The following CACNA2D1 variants were observed in gnomAD, a reference collection of about 807,000 sequenced individuals.
CACNA2D1 encodes the protein calcium voltage-gated channel auxiliary subunit alpha2delta 1.
CACNA2D1 carries 53 observed loss-of-function variants against 171.5 expected under a neutral mutation model. The ratio of observed to expected loss-of-function variants is 0.31; its 90% CI spans 0.25 to 0.39. The LOEUF (loss-of-function observed/expected upper bound fraction) is 0.39, where lower values mean the gene tolerates loss of function less well. CACNA2D1 is among the 10% of genes least tolerant of loss of function. The pLI, the probability that CACNA2D1 is intolerant of heterozygous loss-of-function variation, is 1.00. For synonymous variants in CACNA2D1, 442 were observed against 443.1 expected, an observed-to-expected ratio of 1.00 and a Z score of 0.03; for missense variants, 903 against 1,299.8, an observed-to-expected ratio of 0.69 and a Z score of 4.69.
intron 3 of CACNA2D1, among the ~76,000 whole-genome samples, chr7:82,217,733 A>C (rs1442722107): frequency 6.6e-6 from 1 of 151,306 alleles, no homozygotes; most frequent in Admixed American, 6.6e-5. Flanking sequence ...ATTTAAGGTT[A>C]TTAAAATTCA....
intron 3 of CACNA2D1, among the ~76,000 whole-genome samples, chr7:82,285,349 A>T (rs1184968675): frequency 6.6e-6 from 1 of 152,112 alleles, no homozygotes; most frequent in Non-Finnish European, 1.5e-5. Flanking sequence ...TACACAGCCC[A>T]ACCCTGTGCA....
chr7:82,415,771 T>A (rs1828110459), intron 1 of CACNA2D1, among the ~76,000 whole-genome samples: 1 of 152,102 alleles, frequency 6.6e-6, no homozygotes, highest in Non-Finnish European at 1.5e-5. Context: ...GTATATTTTC[T>A]TATAAGAGAA....
At chr7:82,160,455 T>C (rs1245722808) in intron 4 of CACNA2D1, among the ~76,000 whole-genome samples, 1 of 152,130 alleles carries the variant, frequency 6.6e-6, no homozygotes, top group African/African-American at 2.4e-5. Flanking sequence ...TGTCAGAATT[T>C]TTATTATTAT....
intron 34 of CACNA2D1, among the ~76,000 whole-genome samples, 170 bp downstream of exon 34, chr7:81,963,886 T>C (rs190968712): frequency 1.8e-4 from 27 of 152,136 alleles, no homozygotes; most frequent in Non-Finnish European, 3.1e-4. Flanking sequence ...CTTTATAGTG[T>C]TCACTTAGGA....
At chr7:82,043,626 G>A (rs1455157684) in intron 10 of CACNA2D1, among the ~76,000 whole-genome samples, 6 of 152,166 alleles carry the variant, frequency 3.9e-5, no homozygotes, top group Non-Finnish European at 7.3e-5. Flanking sequence ...CAAAGTATCA[G>A]TATCTCAAAT....
At chr7:82,082,536 C>T (rs958032490) in intron 7 of CACNA2D1, among the ~76,000 whole-genome samples, 3 of 151,550 alleles carry the variant, frequency 2.0e-5, no homozygotes, top group African/African-American at 7.3e-5. Flanking sequence ...GTGTAAAAAA[C>T]CAATTAGGAA....
chr7:82,202,400 C>G (rs911101834), intron 3 of CACNA2D1, among the ~76,000 whole-genome samples: 1 of 152,118 alleles, frequency 6.6e-6, no homozygotes, highest in African/African-American at 2.4e-5. Flanking sequence ...CCTTTGGTCC[C>G]CACTGATTCT....
intron 3 of CACNA2D1, among the ~76,000 whole-genome samples, chr7:82,285,442 C>T (rs1161758586): frequency 2.6e-5 from 4 of 152,128 alleles, no homozygotes; most frequent in Non-Finnish European, 5.9e-5. Flanking sequence ...TAGTTATTCC[C>T]TTATTTACTT....
chr7:82,113,663 C>T (rs1178198529), intron 6 of CACNA2D1, among the ~76,000 whole-genome samples: 1 of 152,132 alleles, frequency 6.6e-6, no homozygotes, highest in East Asian at 1.9e-4. Flanking sequence ...TTCAGTTAAG[C>T]CTTCAATTAA....
intron 3 of CACNA2D1, among the ~76,000 whole-genome samples, chr7:82,299,617 G>T (rs1812753655): frequency 6.6e-6 from 1 of 150,628 alleles, no homozygotes; most frequent in African/African-American, 2.4e-5. Context: ...CTGAGATCAT[G>T]TCACTGCACT....
intron 4 of CACNA2D1, among the ~76,000 whole-genome samples, chr7:82,143,885 C>CAT (rs1792685731): frequency 6.6e-6 from 1 of 152,168 alleles, no homozygotes; most frequent in Admixed American, 6.5e-5. Flanking sequence ...AAAACTCTAA[C>CAT]AAACATGTAG....
intron 3 of CACNA2D1, among the ~76,000 whole-genome samples, chr7:82,301,309 A>G (rs1050562094): frequency 1.3e-5 from 2 of 152,068 alleles, no homozygotes; most frequent in Admixed American, 6.6e-5. Flanking sequence ...TATTTTTAGT[A>G]GAGACGGGGT....
intron 3 of CACNA2D1, among the ~76,000 whole-genome samples, chr7:82,231,768 GC>G (rs1438527717): frequency 6.6e-6 from 1 of 152,064 alleles, no homozygotes; most frequent in East Asian, 1.9e-4. Flanking sequence ...CACCACTGTA[GC>G]CCGATAAATG....
At chr7:82,157,618 C>T (rs1017620546) in intron 4 of CACNA2D1, among the ~76,000 whole-genome samples, 8 of 152,074 alleles carry the variant, frequency 5.3e-5, no homozygotes, top group Admixed American at 3.9e-4. Context: ...TTTGTCAGGT[C>T]ATTCCATTCC....
In CACNA2D1 at chr7:81,950,501, T is replaced by A; in HGVS notation, c.3167A>T (p.Tyr1056Phe). The A allele has an allele frequency of 3.1e-6, 5 of 1,612,138 alleles. No individual in the cohort carries two copies. The highest frequency in any genetic ancestry group is 4.2e-6 in the Non-Finnish European group (5 of 1,179,152). Residue 1056 changes from tyrosine to phenylalanine, a missense_variant, in exon 39 of 39, where the codon TAT becomes TTT. By Grantham distance (22) the Tyr-to-Phe change is conservative. Coordinates refer to ENST00000356860, the MANE Select transcript of CACNA2D1 (RefSeq NM_000722.4). ...TCCAGAAACACCACCACAGTCAGTA[T>A]AATCCTCCTGTTGTTAAAAAAAAAA... ...VCFDNNVLED[Y>F]TDCGGVSGLN...
At chr7:82,340,597 T>C (rs536112968) in intron 2 of CACNA2D1, among the ~76,000 whole-genome samples, 78 of 152,334 alleles carry the variant, frequency 5.1e-4, no homozygotes, top group African/African-American at 1.8e-3. Flanking sequence ...ATTATAACTT[T>C]GCATTTTCAT....
intron 7 of CACNA2D1, among the ~76,000 whole-genome samples, chr7:82,069,409 A>G (rs1466020297): frequency 2.6e-5 from 4 of 152,186 alleles, no homozygotes; most frequent in African/African-American, 9.7e-5. Flanking sequence ...ACAGTTCACA[A>G]TGTAGACGTC....
chr7:81,974,464 T>G lies in CACNA2D1; in HGVS notation c.2044A>C (p.Asn682His). The G allele has an allele frequency of 1.3e-6, 2 of 1,510,636 alleles. No individual in the cohort carries two copies. Among genetic ancestry groups the G allele is most frequent in the South Asian group, 1.1e-5 (1 of 88,488 alleles). 93.6% of individuals were successfully genotyped at this position (1,510,636 alleles called of 1,614,324 possible). A position where few individuals can be genotyped will look rare whatever the true frequency, so the allele number is the denominator to read the frequency against. ...NEFIDRKTPN[N>H]PSCNADLINR... ...ATTAATGCATACTTACATGATGGGT[T>G]GTTTGGAGTTTTTCTATCAATAAAC... The change falls in exon 25 of 39, where the codon AAC (asparagine) becomes CAC (histidine). Residue 682 changes from asparagine (N) to histidine (H), a missense_variant. By Grantham distance (68) the Asn-to-His change is moderately conservative (BLOSUM62 1). Around this residue, in one of 5 missense-constraint regions of CACNA2D1, gnomAD observed 623 missense variants for 925.5 expected, o/e 0.67. Transcript: ENST00000356860.
At chr7:82,280,920 T>C (rs1810010532) in intron 3 of CACNA2D1, among the ~76,000 whole-genome samples, 1 of 152,200 alleles carries the variant, frequency 6.6e-6, no homozygotes, top group Admixed American at 6.5e-5. Context: ...GCTCCTGATT[T>C]GGAATCCATT....
Sources: allele counts gnomAD v4.1 joint callset (sites outside exome capture counted in the v4.1 genomes callset), GRCh38; gene constraint gnomAD v4.1.1; regional missense constraint gnomAD v4.1.1; transcripts MANE v1.5; gene names NCBI Gene and HGNC (gene_info 2026-07-23, HGNC 2026-07-21).